Variants in DEPDC5 observed in about 807,000 individuals in gnomAD.
The protein encoded by DEPDC5 is GATOR1 complex protein DEPDC5.
Under a neutral mutation model 217.3 loss-of-function variants are expected in DEPDC5, and 73 were observed. That is an observed-to-expected ratio of 0.34 (90% CI 0.28 to 0.41). The LOEUF is 0.41. DEPDC5 is among the 10% of genes least tolerant of loss of function. The pLI is 1.00. For synonymous variants in DEPDC5, 733 were observed against 756.7 expected, an observed-to-expected ratio of 0.97 and a Z score of 0.51; for missense variants, 1,675 against 2,070.1, an observed-to-expected ratio of 0.81 and a Z score of 3.70.
intron 25 of DEPDC5, among the ~76,000 whole-genome samples, chr22:31,835,994 A>T (rs1331203586): frequency 6.6e-6 from 1 of 152,264 alleles, no homozygotes. Flanking sequence ...ACTTAGAGAC[A>T]AACGCTCAGA....
chr22:31,815,571 G>C (rs985459956), intron 21 of DEPDC5: 49 of 591,060 alleles, frequency 8.3e-5, no homozygotes, highest in Non-Finnish European at 3.5e-5. Context: ...TTTTTGTAGA[G>C]GTGGGGAAGT....
chr22:31,899,328 AAG>A (rs931285959), intron 40 of DEPDC5, among the ~76,000 whole-genome samples: 23 of 152,226 alleles, frequency 1.5e-4, no homozygotes, highest in African/African-American at 5.1e-4. Context: ...AAAATCTGAC[AAG>A]AGTGTGCTGT....
intron 38 of DEPDC5, among the ~76,000 whole-genome samples, chr22:31,882,751 T>A (rs2093209860): frequency 6.6e-6 from 1 of 152,144 alleles, no homozygotes; most frequent in African/African-American, 2.4e-5. Flanking sequence ...CTCTTTTTTT[T>A]TATTTTCTTG....
rs1436704315 is a variant in DEPDC5, at chr22:31,888,266, T to TTG, written c.4034-5316_4034-5315insTG. On this transcript the variant is annotated intron_variant, in intron 38 of 42. Transcript: ENST00000651528. The stretch of plus-strand genomic sequence containing the variant: ...TTTTTTTTTTTTTTTTTTTTTTTTT[T>TTG]GGAGACGGAGTCTTGCTTTGTCGCC... Among the ~76,000 whole-genome samples the TTG allele has an allele frequency of 4.3e-5, 6 of 140,870 alleles. No homozygotes were observed. The South Asian group carries it at 1.4e-3, about 32-fold the overall frequency. The allele number at this position is 140,870 out of a possible 152,430, so 92.4% of individuals were successfully genotyped here. A position where few individuals can be genotyped will look rare whatever the true frequency, so the allele number is the denominator to read the frequency against.
chr22:31,872,740 A>T (rs1354465953), intron 34 of DEPDC5, among the ~76,000 whole-genome samples: 1 of 66,672 alleles, frequency 1.5e-5, no homozygotes, highest in South Asian at 5.0e-4. Flanking sequence ...GACATTTTTT[A>T]TTTTATTTTA....
rs2149023525 is a variant in DEPDC5, at chr22:31,845,049, C to T, written c.2833C>T (p.Arg945Cys). ...LIESLKFWRTRFLLLPACVTA... is the reference protein window; with the variant it reads ...LIESLKFWRTCFLLLPACVTA... ...TGAGTCCCTGAAGTTCTGGAGGACC[C>T]GCTTCCTGCTGCTGCCAGCCTGTGT... The change falls in exon 30 of 43, where the codon CGC becomes TGC. Residue 945 changes from arginine (R) to cysteine (C), a missense_variant. By Grantham distance (180) the Arg-to-Cys change is radical. Around this residue, in one of 11 missense-constraint regions of DEPDC5, gnomAD observed 293 missense variants for 386.1 expected, o/e 0.76. Transcript: ENST00000651528. 1.9e-5 allele frequency: 31 copies of T among 1,614,114 alleles called. No homozygotes were observed. The highest frequency in any genetic ancestry group is 2.3e-5 in the Non-Finnish European group (27 of 1,180,010).
At chr22:31,904,972 C>T (rs2093730486) in intron 41 of DEPDC5, among the ~76,000 whole-genome samples, 1 of 152,174 alleles carries the variant, frequency 6.6e-6, no homozygotes, top group South Asian at 2.1e-4. Flanking sequence ...GTTCTGCCTA[C>T]ATCACTGTCT....
At chr22:31,822,897 C>T in intron 24 of DEPDC5, 107 bp downstream of exon 24, 1 of 1,169,636 alleles carries the variant, frequency 8.5e-7, no homozygotes, top group Non-Finnish European at 1.2e-6. Context: ...GAGATCATTT[C>T]AGCCACACTT....
In DEPDC5 at chr22:31,846,744, C is replaced by T. The variant is rs563781017; in HGVS notation, c.3022-90C>T. 575 of 1,585,130 alleles carry T rather than the reference C, an allele frequency of 3.6e-4. 1 individual carries two copies. The African/African-American group carries it at 7.2e-3, about 20-fold the overall frequency. ...ACCCTGTCCATGGGATTCCCGGGGC[C>T]TGGGAATGCTGCAGCATGCCCTGGG... is the stretch of plus-strand genomic sequence containing the variant. On this transcript the variant is annotated intron_variant, in intron 30 of 42. Coordinates refer to ENST00000651528, the MANE Select transcript of DEPDC5 (RefSeq NM_001242896.3).
intron 40 of DEPDC5, among the ~76,000 whole-genome samples, chr22:31,900,021 A>G (rs936191754): frequency 6.6e-6 from 1 of 151,746 alleles, no homozygotes; most frequent in Admixed American, 6.6e-5. Context: ...CCAGCTGATT[A>G]CTCTTCAAAC....
chr22:31,770,226 CTG>C (rs1343347953), intron 7 of DEPDC5, among the ~76,000 whole-genome samples: 1 of 150,024 alleles, frequency 6.7e-6, no homozygotes, highest in African/African-American at 2.5e-5. Context: ...CAGAGTGAGA[CTG>C]TCTCAAAAAA....
intron 33 of DEPDC5, among the ~76,000 whole-genome samples, chr22:31,868,262 T>A (rs956079692): frequency 6.6e-6 from 1 of 152,060 alleles, no homozygotes; most frequent in African/African-American, 2.4e-5. Context: ...TTATTTGTCA[T>A]AATTGGGGGT....
intron 2 of DEPDC5, 168 bp downstream of exon 2, chr22:31,755,147 T>G: frequency 1.6e-6 from 1 of 640,132 alleles, no homozygotes; most frequent in Non-Finnish European, 2.7e-6. Flanking sequence ...GGCAGGACCC[T>G]TCTAATGCAT....
At position 31,815,064 on chromosome 22, in the gene DEPDC5, A is replaced by G. The variant is rs1340673046; in HGVS notation, c.1518A>G (p.Leu506=). Reference sequence around the variant, plus strand: ...GTGATGTTTCATCCAGCCCTTCCCTACCAAGCCGCACACTGCCCACTGAGG... The same window carrying G: ...GTGATGTTTCATCCAGCCCTTCCCTGCCAAGCCGCACACTGCCCACTGAGG... ...SSCDVSSSPS[L]PSRTLPTEEV... is the part of the protein sequence containing the mutation. Residue 506 remains leucine, a synonymous_variant, in exon 21 of 43, where the codon CTA becomes CTG. Transcript: ENST00000651528. The G allele has an allele frequency of 6.8e-6, 11 of 1,614,024 alleles. No individual in the cohort carries two copies. The highest frequency in any genetic ancestry group is 1.1e-5 in the South Asian group (1 of 91,080).
intron 15 of DEPDC5, 60 bp downstream of exon 15, chr22:31,802,898 A>C: frequency 4.0e-6 from 6 of 1,486,510 alleles, no homozygotes; most frequent in Non-Finnish European, 5.4e-6. Flanking sequence ...TCCCCTTAGA[A>C]CTGTGAGCTT....
At chr22:31,904,812 T>A (rs971117876) in intron 41 of DEPDC5, among the ~76,000 whole-genome samples, 1 of 152,184 alleles carries the variant, frequency 6.6e-6, no homozygotes, top group African/African-American at 2.4e-5. Context: ...GAGCTTACAG[T>A]GCATAGTAGC....
At chr22:31,829,361 G>A (rs1466246044) in intron 24 of DEPDC5, among the ~76,000 whole-genome samples, 2 of 152,036 alleles carry the variant, frequency 1.3e-5, no homozygotes, top group South Asian at 2.1e-4. Flanking sequence ...TTGAAACCCC[G>A]CCTCTACTGA....
intron 10 of DEPDC5, among the ~76,000 whole-genome samples, 193 bp from the exon 11 acceptor site, chr22:31,791,840 T>C (rs896807200): frequency 7.0e-6 from 1 of 143,602 alleles, no homozygotes; most frequent in Non-Finnish European, 1.5e-5. Flanking sequence ...GGCAGGAGAA[T>C]TGCTTGAACC....
rs557421807 is a variant in DEPDC5, at chr22:31,843,912, CT to C, written c.2801+111del. The stretch of plus-strand genomic sequence containing the variant: ...GCCCTTTCTCTCTCTCTCCCTTTTT[CT>C]TTTTTTTTTTCTTTGTAAAGAGACA... On this transcript the variant is annotated intron_variant, in intron 29 of 42. Coordinates refer to ENST00000651528, the MANE Select transcript of DEPDC5 (RefSeq NM_001242896.3). The C allele has an allele frequency of 0.037, 36,518 of 995,236 alleles. 150 individuals carry two copies. Among genetic ancestry groups the C allele is most frequent in the African/African-American group, 0.084 (4,934 of 58,932 alleles). 61.7% of individuals were successfully genotyped at this position (995,236 alleles called of 1,614,324 possible).
Sources: gnomAD v4.1 joint callset for allele counts (sites outside exome capture counted in the v4.1 genomes callset) on GRCh38, gnomAD v4.1.1 for gene constraint, gnomAD v4.1.1 regional missense constraint, MANE v1.5 for transcripts, NCBI Gene and HGNC (gene_info 2026-07-23, HGNC 2026-07-21) for gene names.